PKP4: variants seen among roughly 807,000 people sequenced by gnomAD.
The protein encoded by PKP4 is plakophilin 4.
In PKP4, 90 loss-of-function variants were observed where a neutral mutation model predicts 145.1. The observed-to-expected ratio is 0.62, with a 90% CI of 0.52 to 0.74. The LOEUF (loss-of-function observed/expected upper bound fraction) is 0.74, where lower values mean the gene tolerates loss of function less well. PKP4 is among the 30% of genes least tolerant of loss of function. The probability of loss-of-function intolerance (pLI) is 0.00; values close to 1 mark genes in which losing one functional copy is unlikely to be tolerated. For missense variants in PKP4, 1,340 were observed against 1,482.7 expected (o/e 0.90, Z 1.58); for synonymous variants, 563 against 577.2 (o/e 0.98, Z 0.35).
chr2:158,658,128 TAGG>T lies in PKP4; in HGVS notation c.1910_1912del (p.Gly637del). On this transcript the variant is annotated splice_acceptor_variant and coding_sequence_variant, in exon 12 of 22. Transcript: ENST00000389759. LOFTEE classifies it high-confidence loss of function. ...GTTTGATTTTTTAAATCTCCTTTTT[TAGG>T]AGTTCTTTGGAATTTATCCTCATGT... The T allele has an allele frequency of 6.4e-7, 1 of 1,551,300 alleles. No homozygotes were observed. The highest frequency in any genetic ancestry group is 8.8e-7 in the Non-Finnish European group (1 of 1,131,260).
At position 158,634,069 on chromosome 2, in the gene PKP4, G is replaced by T; in HGVS notation, c.1343-1G>T. 1.3e-6 allele frequency: 2 copies of T among 1,555,894 alleles called. No individual in the cohort carries two copies. Among genetic ancestry groups the T allele is most frequent in the Non-Finnish European group, 1.8e-6 (2 of 1,127,128 alleles). ...TCTTTTTCAAAATGTTGACTTTCTAGTAGGTATTGGAAATCTACAAAGGAC... is the reference window on the plus strand; with the variant it reads ...TCTTTTTCAAAATGTTGACTTTCTATTAGGTATTGGAAATCTACAAAGGAC... On this transcript the variant is annotated splice_acceptor_variant, in intron 8 of 21. Transcript: ENST00000389759. LOFTEE classifies it high-confidence loss of function.
chr2:158,675,980 G>A (rs1575139322), intron 19 of PKP4, among the ~76,000 whole-genome samples: 1 of 152,210 alleles, frequency 6.6e-6, no homozygotes, highest in East Asian at 1.9e-4. Context: ...GAAAAAATGT[G>A]AAATATTTCT....
At chr2:158,608,800 T>C (rs932082554) in intron 4 of PKP4, among the ~76,000 whole-genome samples, 5 of 110,026 alleles carry the variant, frequency 4.5e-5, no homozygotes, top group African/African-American at 1.6e-4. Context: ...TCTTATTTTC[T>C]TTTCTTTCTT....
intron 15 of PKP4, among the ~76,000 whole-genome samples, chr2:158,664,821 C>T (rs983635232): frequency 6.6e-6 from 1 of 152,202 alleles, no homozygotes; most frequent in Admixed American, 6.5e-5. Context: ...ATATTAATAC[C>T]TGCCTTATAA....
chr2:158,526,292 A>G (rs1406715951), intron 1 of PKP4, among the ~76,000 whole-genome samples: 1 of 135,282 alleles, frequency 7.4e-6, no homozygotes, highest in African/African-American at 2.8e-5. Context: ...CACCATGATC[A>G]AGTGGGCTTC....
chr2:158,487,504 A>G (rs906461181), intron 1 of PKP4, among the ~76,000 whole-genome samples: 3 of 152,208 alleles, frequency 2.0e-5, no homozygotes, highest in South Asian at 2.1e-4. Flanking sequence ...GTTGGATCAT[A>G]CTGTTGCTAT....
At chr2:158,471,655 A>G (rs909758882) in intron 1 of PKP4, among the ~76,000 whole-genome samples, 3 of 152,254 alleles carry the variant, frequency 2.0e-5, no homozygotes, top group Non-Finnish European at 2.9e-5. Flanking sequence ...CCAACTAAAT[A>G]TCAGTGAATG....
chr2:158,665,514 C>T (rs943989060), intron 15 of PKP4, among the ~76,000 whole-genome samples: 4 of 151,958 alleles, frequency 2.6e-5, no homozygotes, highest in African/African-American at 9.7e-5. Context: ...GATCTCTGTC[C>T]TACTGTCTTG....
At chr2:158,464,240 A>G (rs933506618) in intron 1 of PKP4, among the ~76,000 whole-genome samples, 1 of 152,228 alleles carries the variant, frequency 6.6e-6, no homozygotes, top group Admixed American at 6.5e-5. Flanking sequence ...AACATTTTGT[A>G]TGAATACTTT....
intron 3 of PKP4, among the ~76,000 whole-genome samples, chr2:158,587,354 C>T (rs570263529): frequency 9.2e-5 from 14 of 152,026 alleles, no homozygotes; most frequent in African/African-American, 3.4e-4. Flanking sequence ...AGTTTGCTTT[C>T]TGTAATTATA....
intron 11 of PKP4, among the ~76,000 whole-genome samples, chr2:158,647,168 T>G (rs1180283025): frequency 6.6e-6 from 1 of 152,172 alleles, no homozygotes; most frequent in African/African-American, 2.4e-5. Flanking sequence ...AACATTAGCC[T>G]TAGATTTTAG....
At chr2:158,633,179 A>G (rs1328177643) in intron 8 of PKP4, among the ~76,000 whole-genome samples, 1 of 152,256 alleles carries the variant, frequency 6.6e-6, no homozygotes, top group African/African-American at 2.4e-5. Context: ...TTCCAAAACC[A>G]TCAGTGGATG....
chr2:158,625,511 G>A, intron 7 of PKP4, 84 bp downstream of exon 7: 2 of 1,129,796 alleles, frequency 1.8e-6, no homozygotes, highest in Non-Finnish European at 2.5e-6. Context: ...ATGAAAAGGT[G>A]GAAAAGGCTC....
In PKP4 at chr2:158,610,640, A is replaced by G. The variant is rs189711814; in HGVS notation, c.280+7536A>G. Reference sequence around the variant, plus strand: ...TTGAAGTTTTTTTGTCAAAACAGTCATTGATTGTTACTTAGGTCCCCCAGT... The same window carrying G: ...TTGAAGTTTTTTTGTCAAAACAGTCGTTGATTGTTACTTAGGTCCCCCAGT... On this transcript the variant is annotated intron_variant, in intron 4 of 21. Transcript: ENST00000389759. Among the ~76,000 whole-genome samples, 13 of 152,320 alleles carry G rather than the reference A, an allele frequency of 8.5e-5. No homozygotes were observed. In the East Asian group the frequency reaches 2.1e-3, roughly 25 times the overall value.
At chr2:158,538,682 C>T (rs538514857) in intron 2 of PKP4, among the ~76,000 whole-genome samples, 1 of 151,970 alleles carries the variant, frequency 6.6e-6, no homozygotes, top group South Asian at 2.1e-4. Flanking sequence ...GCTGAGATTA[C>T]AGGTGTCTGC....
chr2:158,522,299 T>C (rs1172455873), intron 1 of PKP4, among the ~76,000 whole-genome samples: 2 of 152,202 alleles, frequency 1.3e-5, no homozygotes, highest in Non-Finnish European at 2.9e-5. Context: ...AGATTACATA[T>C]ATATTGAATA....
chr2:158,520,253 G>A (rs1415665479), intron 1 of PKP4, among the ~76,000 whole-genome samples: 1 of 152,108 alleles, frequency 6.6e-6, no homozygotes, highest in African/African-American at 2.4e-5. Context: ...TGTTGACTCT[G>A]GTGTTATATG....
intron 11 of PKP4, among the ~76,000 whole-genome samples, chr2:158,656,157 T>TA (rs765513648): frequency 2.0e-5 from 3 of 152,166 alleles, no homozygotes; most frequent in Non-Finnish European, 4.4e-5. Flanking sequence ...TCTGGAGCCT[T>TA]ACGACCAATT....
chr2:158,626,569 G>A (rs2105903356), intron 7 of PKP4, among the ~76,000 whole-genome samples: 1 of 152,310 alleles, frequency 6.6e-6, no homozygotes, highest in African/African-American at 2.4e-5. Context: ...TACTTTGAGA[G>A]ATATTACGTA....
Sources: allele counts gnomAD v4.1 joint callset (sites outside exome capture counted in the v4.1 genomes callset), GRCh38; gene constraint gnomAD v4.1.1; transcripts MANE v1.5; gene names NCBI Gene and HGNC (gene_info 2026-07-23, HGNC 2026-07-21).